The following SLC9A9 variants were observed in gnomAD, a reference collection of about 807,000 sequenced individuals.
SLC9A9 encodes solute carrier family 9 member A9.
In SLC9A9, 62 loss-of-function variants were observed where a neutral mutation model predicts 77.8. The observed-to-expected ratio is 0.80, with a 90% CI of 0.65 to 0.98. The LOEUF is 0.98. Ranked by LOEUF, SLC9A9 falls within the 50% of genes least tolerant of loss-of-function variation. The probability of loss-of-function intolerance (pLI) is 0.00; values close to 1 mark genes in which losing one functional copy is unlikely to be tolerated. For missense variants in SLC9A9, 775 were observed against 774.9 expected (o/e 1.00, Z 0.00); for synonymous variants, 320 against 283.5 (o/e 1.13, Z -1.29).
intron 4 of SLC9A9, among the ~76,000 whole-genome samples, chr3:143,708,118 A>C (rs1934037837): frequency 6.6e-6 from 1 of 151,688 alleles, no homozygotes; most frequent in African/African-American, 2.4e-5. Context: ...ATAAATCACA[A>C]TGTTGACATG....
At position 143,755,711 on chromosome 3, in the gene SLC9A9, C is replaced by A. The variant is rs536204286; in HGVS notation, c.533+39290G>T. Among the ~76,000 whole-genome samples the A allele has an allele frequency of 3.3e-5, 5 of 152,184 alleles. No homozygotes were observed. In the East Asian group the frequency reaches 9.6e-4, roughly 29 times the overall value. On this transcript the variant is annotated intron_variant, in intron 4 of 15. Transcript: ENST00000316549. The stretch of plus-strand genomic sequence containing the variant: ...TTCTTTAATTTATTTATAACTTATA[C>A]CCTCTGACTTCCAAAAGGATTTTGA...
At chr3:143,327,605 C>T (rs1369807376) in intron 14 of SLC9A9, among the ~76,000 whole-genome samples, 1 of 152,168 alleles carries the variant, frequency 6.6e-6, no homozygotes, top group African/African-American at 2.4e-5. Context: ...TTAGCCCTCT[C>T]CCCTTCCCTA....
Position 143,400,474 on chromosome 3 carries a change from G to A in SLC9A9, c.1470-18360C>T, listed in dbSNP as rs534262899. Among the ~76,000 whole-genome samples, 7 of 152,150 alleles carry A rather than the reference G, an allele frequency of 4.6e-5. No homozygotes were observed. In the East Asian group the frequency reaches 1.4e-3, roughly 29 times the overall value. ...GTCGTATGTTCTCACTCATAAGTGG[G>A]AACTAAGCTATGAGGACAAAAAAGC... On this transcript the variant is annotated intron_variant, in intron 12 of 15. Transcript: ENST00000316549.
intron 9 of SLC9A9, among the ~76,000 whole-genome samples, chr3:143,525,544 C>G (rs935535521): frequency 6.6e-6 from 1 of 152,200 alleles, no homozygotes; most frequent in Non-Finnish European, 1.5e-5. Context: ...ACAAGCTGCC[C>G]TTCGCTCCAT....
intron 9 of SLC9A9, among the ~76,000 whole-genome samples, chr3:143,546,537 G>A (rs2036793394): frequency 6.6e-6 from 1 of 152,210 alleles, no homozygotes; most frequent in Non-Finnish European, 1.5e-5. Context: ...TGAATTGGCT[G>A]AAAGTATAAT....
intron 13 of SLC9A9, among the ~76,000 whole-genome samples, chr3:143,381,782 T>A (rs1008115730): frequency 6.6e-6 from 1 of 152,226 alleles, no homozygotes; most frequent in African/African-American, 2.4e-5. Context: ...AACTATGAAG[T>A]GCCTCATTCC....
chr3:143,317,580 C>G (rs1013419898), intron 14 of SLC9A9, among the ~76,000 whole-genome samples: 2 of 152,132 alleles, frequency 1.3e-5, no homozygotes, highest in African/African-American at 4.8e-5. Flanking sequence ...GATGTAGATC[C>G]TCTGGCTACA....
Position 143,739,631 on chromosome 3 carries a change from T to A in SLC9A9, c.534-46324A>T, listed in dbSNP as rs190028665. Among the ~76,000 whole-genome samples the A allele has an allele frequency of 3.1e-3, 470 of 152,366 alleles. 1 individual carries two copies. Among genetic ancestry groups the A allele is most frequent in the Admixed American group, 5.2e-3 (79 of 15,310 alleles). On this transcript the variant is annotated intron_variant, in intron 4 of 15. Transcript: ENST00000316549. ...AAGGAAGTCCAAGGTCTAAATTTCA[T>A]TTCATTTCATTTCTCCAAAAATTTT...
chr3:143,683,471 A>T (rs749556382), intron 5 of SLC9A9, among the ~76,000 whole-genome samples: 1 of 152,152 alleles, frequency 6.6e-6, no homozygotes, highest in Non-Finnish European at 1.5e-5. Flanking sequence ...TGTAGATTAA[A>T]GGAGAACGCA....
rs576929352 is a variant in SLC9A9, at chr3:143,287,544, C to T, written c.1605-18564G>A. Among the ~76,000 whole-genome samples, 35 of 152,268 alleles carry T rather than the reference C, an allele frequency of 2.3e-4. No homozygotes were observed. In the South Asian group the frequency reaches 4.6e-3, roughly 20 times the overall value. On this transcript the variant is annotated intron_variant, in intron 14 of 15. Coordinates refer to ENST00000316549, the MANE Select transcript of SLC9A9 (RefSeq NM_173653.4). ...GAAGCTGAAAGAACCTGGAGCAGAT[C>T]GTCCATTGTTCTGAGTTATTCTAGC...
intron 4 of SLC9A9, among the ~76,000 whole-genome samples, chr3:143,748,103 C>A (rs1394414599): frequency 6.6e-6 from 1 of 152,212 alleles, no homozygotes; most frequent in East Asian, 1.9e-4. Flanking sequence ...AACTTAGTTT[C>A]AAGAATTCCA....
intron 14 of SLC9A9, among the ~76,000 whole-genome samples, chr3:143,308,024 A>C (rs955764902): frequency 4.6e-5 from 7 of 152,192 alleles, no homozygotes; most frequent in African/African-American, 1.7e-4. Context: ...GGCCATCAGA[A>C]GAAGGGAAAT....
chr3:143,296,144 T>C, intron 14 of SLC9A9, among the ~76,000 whole-genome samples: 1 of 152,238 alleles, frequency 6.6e-6, no homozygotes, highest in Non-Finnish European at 1.5e-5. Context: ...GTAGACACAA[T>C]GATGAATGAT....
chr3:143,670,242 A>G (rs1180545026), intron 5 of SLC9A9, among the ~76,000 whole-genome samples: 2 of 152,142 alleles, frequency 1.3e-5, no homozygotes, highest in African/African-American at 4.8e-5. Context: ...TATGGGTCTC[A>G]CTCCAAACTC....
intron 6 of SLC9A9, among the ~76,000 whole-genome samples, chr3:143,600,907 T>G (rs2037835726): frequency 6.6e-6 from 1 of 152,182 alleles, no homozygotes; most frequent in South Asian, 2.1e-4. Context: ...CAGGGCTTGC[T>G]GGAGATCAGA....
chr3:143,584,109 T>C (rs956398901), intron 6 of SLC9A9, among the ~76,000 whole-genome samples: 2 of 152,184 alleles, frequency 1.3e-5, no homozygotes, highest in Non-Finnish European at 1.5e-5. Flanking sequence ...ACCACAACAA[T>C]GCCCTCCCCT....
chr3:143,590,444 A>G (rs2037626892), intron 6 of SLC9A9, among the ~76,000 whole-genome samples: 1 of 152,242 alleles, frequency 6.6e-6, no homozygotes, highest in Non-Finnish European at 1.5e-5. Flanking sequence ...GGGAATTCCA[A>G]CTAGTGTATT....
intron 6 of SLC9A9, chr3:143,627,656 G>C: frequency 5.2e-6 from 1 of 192,050 alleles, no homozygotes; most frequent in Non-Finnish European, 1.1e-5. Context: ...AGGTTAGAGT[G>C]AGGCAACCTT....
At chr3:143,575,607 CT>C (rs1248464055) in intron 7 of SLC9A9, among the ~76,000 whole-genome samples, 1 of 152,080 alleles carries the variant, frequency 6.6e-6, no homozygotes, top group Non-Finnish European at 1.5e-5. Flanking sequence ...CCCTGAGATC[CT>C]TTTACAATAT....
Sources: gnomAD v4.1 joint callset for allele counts (sites outside exome capture counted in the v4.1 genomes callset) on GRCh38, gnomAD v4.1.1 for gene constraint, MANE v1.5 for transcripts, NCBI Gene and HGNC (gene_info 2026-07-23, HGNC 2026-07-21) for gene names.